Variants in TRAPPC9 observed in about 807,000 individuals in gnomAD.
The protein encoded by TRAPPC9 is IKK2 binding protein.
A neutral mutation model predicts 124.0 loss-of-function variants in TRAPPC9; 83 were observed. The ratio of observed to expected loss-of-function variants is 0.67; its 90% CI spans 0.56 to 0.80. The LOEUF is 0.80. Ranked by LOEUF, TRAPPC9 falls within the 30% of genes least tolerant of loss-of-function variation. TRAPPC9 has a pLI of 0.00. For missense variants in TRAPPC9, 1,302 were observed against 1,508.3 expected (o/e 0.86, Z 2.27); for synonymous variants, 638 against 617.5 (o/e 1.03, Z -0.49).
At chr8:140,129,642 A>G (rs2061168350) in intron 17 of TRAPPC9, among the ~76,000 whole-genome samples, 1 of 152,102 alleles carries the variant, frequency 6.6e-6, no homozygotes, top group African/African-American at 2.4e-5. Context: ...TAAGTCAGCA[A>G]TGGAAGGATG....
At chr8:140,207,698 T>C (rs2131219582) in intron 17 of TRAPPC9, among the ~76,000 whole-genome samples, 1 of 152,328 alleles carries the variant, frequency 6.6e-6, no homozygotes, top group East Asian at 1.9e-4. Context: ...CTTGCAAAGA[T>C]TTCAGGGTTT....
intron 17 of TRAPPC9, among the ~76,000 whole-genome samples, chr8:140,164,918 C>A (rs1394025897): frequency 6.6e-6 from 1 of 152,170 alleles, no homozygotes; most frequent in Non-Finnish European, 1.5e-5. Context: ...CAGCCCCTGC[C>A]TCTCTCTAGT....
At chr8:139,957,857 C>G (rs757976182) in intron 19 of TRAPPC9, among the ~76,000 whole-genome samples, 3 of 152,248 alleles carry the variant, frequency 2.0e-5, no homozygotes, top group Non-Finnish European at 4.4e-5. Flanking sequence ...TCCCAGCCTC[C>G]TCTTCGTCTT....
At chr8:140,425,235 G>C (rs990635066) in intron 5 of TRAPPC9, among the ~76,000 whole-genome samples, 3 of 152,352 alleles carry the variant, frequency 2.0e-5, no homozygotes, top group African/African-American at 7.2e-5. Context: ...GCAGGAACCA[G>C]AATGTGGGGC....
At chr8:139,837,288 C>T (rs1395137268) in intron 21 of TRAPPC9, among the ~76,000 whole-genome samples, 3 of 152,146 alleles carry the variant, frequency 2.0e-5, no homozygotes, top group Non-Finnish European at 2.9e-5. Flanking sequence ...CGAGGCAGCA[C>T]GGTAACCAGA....
chr8:140,132,799 G>GGAGGAA (rs2061231101), intron 17 of TRAPPC9, among the ~76,000 whole-genome samples: 1 of 151,764 alleles, frequency 6.6e-6, no homozygotes, highest in Admixed American at 6.6e-5. Context: ...AGTCGGAGGA[G>GGAGGAA]GAGGAGGAGG....
intron 17 of TRAPPC9, among the ~76,000 whole-genome samples, chr8:140,195,097 GATC>G (rs1429383839): frequency 1.3e-5 from 2 of 151,686 alleles, no homozygotes; most frequent in Non-Finnish European, 2.9e-5. Flanking sequence ...CCACCATACA[GATC>G]ATACCTGTGA....
At chr8:140,179,659 G>C (rs1301137121) in intron 17 of TRAPPC9, among the ~76,000 whole-genome samples, 1 of 152,076 alleles carries the variant, frequency 6.6e-6, no homozygotes, top group South Asian at 2.1e-4. Flanking sequence ...CAATTACCAA[G>C]AGTGGTGATA....
chr8:139,920,274 A>T (rs1442093087), intron 19 of TRAPPC9, among the ~76,000 whole-genome samples: 6 of 152,246 alleles, frequency 3.9e-5, no homozygotes. Flanking sequence ...TGGACTCAGG[A>T]GGTGGAGGTT....
At chr8:139,877,814 C>T (rs1342231064) in intron 21 of TRAPPC9, among the ~76,000 whole-genome samples, 1 of 152,188 alleles carries the variant, frequency 6.6e-6, no homozygotes, top group African/African-American at 2.4e-5. Context: ...TAAGTATCTT[C>T]ACTTTACAAG....
intron 19 of TRAPPC9, among the ~76,000 whole-genome samples, chr8:139,936,055 C>T (rs1183192521): frequency 6.6e-6 from 1 of 152,234 alleles, no homozygotes; most frequent in Non-Finnish European, 1.5e-5. Context: ...GGAGTGGCGT[C>T]ACATGCTCAC....
At chr8:140,201,885 C>T (rs1332125113) in intron 17 of TRAPPC9, among the ~76,000 whole-genome samples, 2 of 152,018 alleles carry the variant, frequency 1.3e-5, no homozygotes, top group Admixed American at 6.6e-5. Context: ...CGAGAGGGAG[C>T]GAGAAGGCTC....
intron 17 of TRAPPC9, among the ~76,000 whole-genome samples, chr8:140,067,061 G>A (rs574867723): frequency 9.2e-5 from 14 of 152,262 alleles, no homozygotes; most frequent in African/African-American, 2.4e-4. Context: ...TCACATATCT[G>A]TTCAACAGAA....
intron 6 of TRAPPC9, among the ~76,000 whole-genome samples, chr8:140,404,354 A>T (rs76715529): frequency 0.015 from 2,347 of 152,294 alleles, 71 homozygotes; most frequent in African/African-American, 0.054. Context: ...TCCATCCACG[A>T]GAGAATAATT....
chr8:140,259,040 C>A (rs1014836813), intron 15 of TRAPPC9, among the ~76,000 whole-genome samples: 2 of 152,356 alleles, frequency 1.3e-5, no homozygotes, highest in East Asian at 1.9e-4. Flanking sequence ...GCGGAGGAAG[C>A]AGCAGAGGGC....
chr8:140,233,180 TAACTCCTATGGCCTAA>T (rs1296844453), intron 16 of TRAPPC9, among the ~76,000 whole-genome samples: 2 of 150,540 alleles, frequency 1.3e-5, no homozygotes, highest in Non-Finnish European at 2.9e-5. Context: ...AAATTAGTTT[TAACTCCTATGGCCTAA>T]GTTTCTTAAG....
At chr8:140,390,030 G>A (rs550932102) in intron 7 of TRAPPC9, among the ~76,000 whole-genome samples, 28 of 152,276 alleles carry the variant, frequency 1.8e-4, no homozygotes, top group East Asian at 9.6e-4. Flanking sequence ...AAGGCCAGGC[G>A]TGGTGGCTCA....
intron 19 of TRAPPC9, among the ~76,000 whole-genome samples, chr8:139,975,927 C>CTTTTTTT (rs528679775): frequency 1.7e-4 from 16 of 95,564 alleles, no homozygotes; most frequent in Non-Finnish European, 2.8e-4. Context: ...AAAGGACAGT[C>CTTTTTTT]TTTTTTTTTT....
chr8:140,077,081 G>T (rs753686418), intron 17 of TRAPPC9, among the ~76,000 whole-genome samples: 2 of 152,042 alleles, frequency 1.3e-5, no homozygotes, highest in African/African-American at 4.8e-5. Context: ...CAGGAGGATC[G>T]CTTGAACCCA....
Sources: allele counts gnomAD v4.1 joint callset (sites outside exome capture counted in the v4.1 genomes callset), GRCh38; gene constraint gnomAD v4.1.1; transcripts MANE v1.5; gene names NCBI Gene and HGNC (gene_info 2026-07-23, HGNC 2026-07-21).